The following RAB1A variants were observed in gnomAD, a reference collection of about 807,000 sequenced individuals.
The protein encoded by RAB1A is ras-related protein Rab-1A.
RAB1A carries 2 observed loss-of-function variants against 26.0 expected under a neutral mutation model. The observed-to-expected ratio is 0.08, with a 90% CI of 0.03 to 0.24. The LOEUF is 0.24. RAB1A is among the 10% of genes least tolerant of loss of function. The pLI is 1.00. For synonymous variants in RAB1A, 84 were observed against 84.9 expected, an observed-to-expected ratio of 0.99 and a Z score of 0.06; for missense variants, 100 against 247.0, an observed-to-expected ratio of 0.40 and a Z score of 3.99.
At chr2:65,102,999 C>T (rs901715450) in intron 2 of RAB1A, among the ~76,000 whole-genome samples, 1 of 151,132 alleles carries the variant, frequency 6.6e-6, no homozygotes, top group Non-Finnish European at 1.5e-5. Flanking sequence ...CAAAAAACTA[C>T]AAATGCTTTT....
At chr2:65,122,590 G>A (rs1198441555) in intron 1 of RAB1A, among the ~76,000 whole-genome samples, 5 of 151,944 alleles carry the variant, frequency 3.3e-5, no homozygotes, top group Admixed American at 6.6e-5. Flanking sequence ...AAGTTGATTA[G>A]CAAATTTTTT....
intron 3 of RAB1A, among the ~76,000 whole-genome samples, chr2:65,094,036 T>C (rs1404223055): frequency 6.6e-6 from 1 of 151,626 alleles, no homozygotes; most frequent in Non-Finnish European, 1.5e-5. Context: ...AATGGCACAA[T>C]CTTGGCTCAC....
chr2:65,094,946 A>C (rs921349506), intron 3 of RAB1A, among the ~76,000 whole-genome samples: 42 of 152,202 alleles, frequency 2.8e-4, no homozygotes, highest in African/African-American at 1.0e-3. Flanking sequence ...CTTGCCAATA[A>C]AAGAGGAATT....
intron 1 of RAB1A, among the ~76,000 whole-genome samples, chr2:65,107,937 A>T (rs1050156410): frequency 6.6e-6 from 1 of 151,972 alleles, no homozygotes; most frequent in South Asian, 2.1e-4. Flanking sequence ...GGTGGTGGGC[A>T]GCTTTAATCT....
chr2:65,120,414 C>T (rs1418680513), intron 1 of RAB1A, among the ~76,000 whole-genome samples: 1 of 145,764 alleles, frequency 6.9e-6, no homozygotes, highest in Non-Finnish European at 1.5e-5. Context: ...CAAGATCACA[C>T]CACTACACTC....
chr2:65,103,141 C>A (rs552036274), intron 2 of RAB1A, among the ~76,000 whole-genome samples: 289 of 151,728 alleles, frequency 1.9e-3, no homozygotes, highest in Non-Finnish European at 3.0e-3. Flanking sequence ...CACAGTGAGA[C>A]CTTGTCACTA....
chr2:65,088,611 G>T lies in RAB1A; in HGVS notation c.500C>A (p.Thr167Lys). The T allele has an allele frequency of 6.2e-7, 1 of 1,613,514 alleles. No individual in the cohort carries two copies. The change falls in exon 6 of 6, where the codon ACG (threonine) becomes AAG (lysine). Residue 167 changes from threonine (T) to lysine (K), a missense_variant. By Grantham distance (78) the Thr-to-Lys change is moderately conservative. Coordinates refer to ENST00000409784, the MANE Select transcript of RAB1A (RefSeq NM_004161.5). ...NATNVEQSFM[T>K]MAAEIKKRMG... ...TCGCTTTTTAATCTCAGCTGCCATC[G>T]TCATGAAAGACTGTTCTACATTCGT...
At chr2:65,120,452 T>A (rs1464104149) in intron 1 of RAB1A, among the ~76,000 whole-genome samples, 1 of 101,114 alleles carries the variant, frequency 9.9e-6, no homozygotes, top group Non-Finnish European at 1.8e-5. Flanking sequence ...CGACACCTTG[T>A]CTCAAAAAAA....
intron 1 of RAB1A, among the ~76,000 whole-genome samples, chr2:65,108,285 C>G (rs1669610958): frequency 1.3e-5 from 2 of 149,150 alleles, no homozygotes; most frequent in Admixed American, 1.3e-4. Context: ...TTGCTTGAAC[C>G]CAGGAGGCAG....
intron 1 of RAB1A, among the ~76,000 whole-genome samples, chr2:65,114,679 T>TA (rs1043116409): frequency 5.3e-5 from 8 of 151,500 alleles, no homozygotes; most frequent in African/African-American, 1.9e-4. Context: ...CCGTCTCTAC[T>TA]AAAAAAATAC....
chr2:65,091,233 C>G (rs999768022), intron 3 of RAB1A, among the ~76,000 whole-genome samples, 155 bp from the exon 4 acceptor site: 5 of 152,186 alleles, frequency 3.3e-5, no homozygotes, highest in African/African-American at 1.2e-4. Flanking sequence ...CACTAAATTG[C>G]ACGGTAATAA....
intron 1 of RAB1A, among the ~76,000 whole-genome samples, chr2:65,128,116 C>A (rs1007103601): frequency 1.3e-5 from 2 of 152,038 alleles, no homozygotes; most frequent in South Asian, 2.1e-4. Flanking sequence ...TGATGCATAC[C>A]ACCTGAAGAA....
chr2:65,121,234 C>CG (rs1491551630), intron 1 of RAB1A, among the ~76,000 whole-genome samples: 53 of 56,158 alleles, frequency 9.4e-4, no homozygotes, highest in African/African-American at 3.0e-3. Flanking sequence ...GATCATGTCT[C>CG]GAAAAAAAAA....
At chr2:65,088,826 C>T (rs1357246567) in intron 5 of RAB1A, 113 bp downstream of exon 5, 2 of 1,339,502 alleles carry the variant, frequency 1.5e-6, no homozygotes, top group Admixed American at 4.8e-5. Flanking sequence ...TTGTCACTGT[C>T]ACAGTATTCT....
At chr2:65,116,779 CT>C (rs1669837513) in intron 1 of RAB1A, among the ~76,000 whole-genome samples, 1 of 152,338 alleles carries the variant, frequency 6.6e-6, no homozygotes, top group South Asian at 2.1e-4. Flanking sequence ...GTTGTAAGTA[CT>C]ATGATCATAC....
chr2:65,097,303 A>G (rs1437853796), intron 3 of RAB1A, among the ~76,000 whole-genome samples: 1 of 152,090 alleles, frequency 6.6e-6, no homozygotes, highest in Non-Finnish European at 1.5e-5. Context: ...ATAATTGCCT[A>G]TATTTAATTG....
rs111287032 is a variant in RAB1A at position 65,107,872 on chromosome 2, T to C, written c.24-3066A>G. 3.6e-3 allele frequency among the ~76,000 whole-genome samples: 552 copies of C among 152,044 alleles called. 2 individuals are homozygous for C. The highest frequency in any genetic ancestry group is 0.013 in the African/African-American group (524 of 41,490). ...TGAGGTCAGAAGTTCCAGACCACCC[T>C]GGCCAATACGGTGAAACCCCATCTC... On this transcript the variant is annotated intron_variant, in intron 1 of 5. Transcript: ENST00000409784.
At chr2:65,120,224 G>A (rs540286487) in intron 1 of RAB1A, among the ~76,000 whole-genome samples, 7 of 152,042 alleles carry the variant, frequency 4.6e-5, no homozygotes, top group African/African-American at 1.7e-4. Context: ...TTGGGAGGCC[G>A]AGGCGGGAGG....
intron 1 of RAB1A, among the ~76,000 whole-genome samples, chr2:65,124,377 G>C (rs1001804912): frequency 6.6e-6 from 1 of 152,186 alleles, no homozygotes; most frequent in Non-Finnish European, 1.5e-5. Context: ...TTTGAGACCA[G>C]CCTGCACAAC....
Sources: gnomAD v4.1 joint callset for allele counts (sites outside exome capture counted in the v4.1 genomes callset) on GRCh38, gnomAD v4.1.1 for gene constraint, MANE v1.5 for transcripts, NCBI Gene and HGNC (gene_info 2026-07-23, HGNC 2026-07-21) for gene names.